ST6GALNAC5: variants seen among roughly 807,000 people sequenced by gnomAD.
ST6GALNAC5 encodes ST6 N-acetylgalactosaminide alpha-2,6-sialyltransferase 5.
In ST6GALNAC5, 27 loss-of-function variants were observed where a neutral mutation model predicts 33.6. That is an observed-to-expected ratio of 0.80 (90% CI 0.59 to 1.11). The LOEUF (loss-of-function observed/expected upper bound fraction) is 1.11. Ranked by LOEUF, ST6GALNAC5 falls within the 50% of genes least tolerant of loss-of-function variation. The pLI is 0.00. For missense variants in ST6GALNAC5, 428 were observed against 454.0 expected (o/e 0.94, Z 0.52); for synonymous variants, 194 against 171.2 (o/e 1.13, Z -1.04).
At chr1:77,021,064 G>T (rs530872456) in intron 2 of ST6GALNAC5, among the ~76,000 whole-genome samples, 3 of 152,182 alleles carry the variant, frequency 2.0e-5, no homozygotes, top group Non-Finnish European at 4.4e-5. Flanking sequence ...TCTGTTCTTC[G>T]CAGGTGAGAC....
chr1:76,925,226 G>A (rs1235092241), intron 2 of ST6GALNAC5, among the ~76,000 whole-genome samples: 6 of 151,952 alleles, frequency 3.9e-5, no homozygotes, highest in Non-Finnish European at 2.9e-5. Flanking sequence ...CTGCCCCCAC[G>A]ATCCAATGCC....
chr1:76,903,560 A>G (rs1646837553), intron 2 of ST6GALNAC5, among the ~76,000 whole-genome samples: 2 of 152,242 alleles, frequency 1.3e-5, no homozygotes, highest in Non-Finnish European at 2.9e-5. Context: ...GAAAATATCT[A>G]GCTACAAAAA....
intron 2 of ST6GALNAC5, among the ~76,000 whole-genome samples, chr1:76,899,730 G>A (rs541553254): frequency 1.4e-4 from 21 of 152,338 alleles, no homozygotes; most frequent in African/African-American, 4.6e-4. Flanking sequence ...TTGAAATTAA[G>A]AGAAGGGAGA....
At chr1:76,948,625 G>GAGAGAGAGA (rs1480547641) in intron 2 of ST6GALNAC5, among the ~76,000 whole-genome samples, 2 of 144,764 alleles carry the variant, frequency 1.4e-5, no homozygotes, top group Non-Finnish European at 3.0e-5. Flanking sequence ...GAGAGAGAGA[G>GAGAGAGAGA]AACTACTGAA....
intron 2 of ST6GALNAC5, among the ~76,000 whole-genome samples, chr1:76,968,850 G>A (rs546004990): frequency 6.6e-6 from 1 of 152,144 alleles, no homozygotes; most frequent in Non-Finnish European, 1.5e-5. Context: ...GCTTAGTTTG[G>A]CTGGATATGA....
intron 2 of ST6GALNAC5, among the ~76,000 whole-genome samples, chr1:76,915,061 C>T (rs907168649): frequency 6.6e-6 from 1 of 152,024 alleles, no homozygotes; most frequent in Non-Finnish European, 1.5e-5. Context: ...CAAAAGAAGA[C>T]ATTTATGCAG....
At chr1:77,031,851 G>A (rs1053728495) in intron 2 of ST6GALNAC5, among the ~76,000 whole-genome samples, 3 of 152,166 alleles carry the variant, frequency 2.0e-5, no homozygotes, top group African/African-American at 4.8e-5. Flanking sequence ...CATGAACCTA[G>A]TTCTTCAGAA....
chr1:77,024,178 T>G (rs1651151750), intron 2 of ST6GALNAC5, among the ~76,000 whole-genome samples: 2 of 152,188 alleles, frequency 1.3e-5, no homozygotes, highest in Admixed American at 6.5e-5. Context: ...ACAGAGAATG[T>G]TCTCGTAAGA....
rs1020268198 is a variant in ST6GALNAC5, at chr1:77,005,224, G to C, written c.262-38980G>C. On this transcript the variant is annotated intron_variant, in intron 2 of 4. Transcript: ENST00000477717. The stretch of plus-strand genomic sequence containing the variant: ...CATTTTTTAAGCTGGTCCGAAAAGC[G>C]CAATATTCAGGTGGGAGTGACCCGA... Among the ~76,000 whole-genome samples the C allele has an allele frequency of 2.6e-5, 4 of 152,242 alleles. No individual in the cohort carries two copies. In the East Asian group the frequency reaches 7.7e-4, roughly 29 times the overall value.
At chr1:76,940,587 G>A (rs529315085) in intron 2 of ST6GALNAC5, among the ~76,000 whole-genome samples, 1 of 152,146 alleles carries the variant, frequency 6.6e-6, no homozygotes, top group South Asian at 2.1e-4. Context: ...TCGAGACCTG[G>A]AGAAAGGGAA....
intron 2 of ST6GALNAC5, among the ~76,000 whole-genome samples, chr1:77,038,242 T>G (rs1277553054): frequency 1.3e-5 from 2 of 152,132 alleles, no homozygotes; most frequent in East Asian, 3.9e-4. Context: ...TGGGTGGGCT[T>G]GTCATAGAAC....
At chr1:76,990,883 G>C (rs34192006) in intron 2 of ST6GALNAC5, among the ~76,000 whole-genome samples, 21,419 of 152,130 alleles carry the variant, frequency 0.14, 1,996 homozygotes, top group Admixed American at 0.28. Flanking sequence ...ATGGCAGAGA[G>C]CCTTTACCAT....
chr1:76,999,008 AC>A (rs1452184726), intron 2 of ST6GALNAC5, among the ~76,000 whole-genome samples: 1 of 152,190 alleles, frequency 6.6e-6, no homozygotes, highest in Non-Finnish European at 1.5e-5. Context: ...AAGGGAGTAA[AC>A]TTACACAGCT....
At chr1:76,879,550 A>G (rs1233885030) in intron 2 of ST6GALNAC5, among the ~76,000 whole-genome samples, 1 of 152,212 alleles carries the variant, frequency 6.6e-6, no homozygotes, top group Admixed American at 6.5e-5. Flanking sequence ...CTAGGGGTCC[A>G]CTGGGACTTT....
At chr1:76,956,265 G>C (rs1288299584) in intron 2 of ST6GALNAC5, among the ~76,000 whole-genome samples, 1 of 150,618 alleles carries the variant, frequency 6.6e-6, no homozygotes, top group African/African-American at 2.5e-5. Context: ...CCTAAGTGAG[G>C]CCCAAGATCC....
intron 2 of ST6GALNAC5, among the ~76,000 whole-genome samples, chr1:76,969,959 T>A (rs948978129): frequency 2.6e-5 from 4 of 151,802 alleles, no homozygotes; most frequent in South Asian, 2.1e-4. Context: ...GGATGACTGT[T>A]AGAAGGAAAA....
intron 2 of ST6GALNAC5, among the ~76,000 whole-genome samples, chr1:76,872,483 T>C (rs1342529246): frequency 1.3e-5 from 2 of 152,176 alleles, no homozygotes; most frequent in Admixed American, 1.3e-4. Context: ...TTTTAGGCAC[T>C]CAGTTATTCA....
intron 2 of ST6GALNAC5, among the ~76,000 whole-genome samples, chr1:76,910,785 G>A (rs1181362287): frequency 2.6e-5 from 4 of 151,742 alleles, no homozygotes; most frequent in African/African-American, 9.7e-5. Flanking sequence ...ACAGACAGTG[G>A]AAATTTATAT....
intron 2 of ST6GALNAC5, among the ~76,000 whole-genome samples, chr1:77,017,067 C>T (rs558491388): frequency 6.8e-6 from 1 of 147,768 alleles, no homozygotes; most frequent in Non-Finnish European, 1.5e-5. Flanking sequence ...TGGGCTTTCT[C>T]GTAATATTTC....
Sources: allele counts gnomAD v4.1 joint callset (sites outside exome capture counted in the v4.1 genomes callset), GRCh38; gene constraint gnomAD v4.1.1; transcripts MANE v1.5; gene names NCBI Gene and HGNC (gene_info 2026-07-23, HGNC 2026-07-21).